The following CACNA1S variants were observed in gnomAD, a reference collection of about 807,000 sequenced individuals.
CACNA1S encodes voltage-dependent L-type calcium channel subunit alpha-1S.
Under a neutral mutation model 207.4 loss-of-function variants are expected in CACNA1S, and 126 were observed. That is an observed-to-expected ratio of 0.61 (90% CI 0.53 to 0.70). The LOEUF is 0.70. CACNA1S is among the 30% of genes least tolerant of loss of function. The pLI is 0.00. For missense variants in CACNA1S, 2,349 were observed against 2,422.8 expected (o/e 0.97, Z 0.64); for synonymous variants, 960 against 932.7 (o/e 1.03, Z -0.53).
chr1:201,060,204 G>A (rs929978945), intron 26 of CACNA1S, among the ~76,000 whole-genome samples: 8 of 152,140 alleles, frequency 5.3e-5, no homozygotes, highest in African/African-American at 1.4e-4. Flanking sequence ...ATGCTTAATC[G>A]AGGCTTGATA....
At position 201,052,618 on chromosome 1, in the gene CACNA1S, TC is replaced by T; in HGVS notation, c.3891del (p.Thr1298ProfsTer3). The T allele has an allele frequency of 6.2e-7, 1 of 1,613,642 alleles. No homozygotes were observed. Among genetic ancestry groups the T allele is most frequent in the Non-Finnish European group, 8.5e-7 (1 of 1,179,882 alleles). Reference sequence around the variant, plus strand: ...AAGTTGTTGTTCCGGTTTATTTGGGTCCCATCCACCAAGGCGATCTTCCCAA... The same window carrying T: ...AAGTTGTTGTTCCGGTTTATTTGGGTCCATCCACCAAGGCGATCTTCCCAA... The part of the protein sequence containing the change: ...QMFGKIALVD[G>X]TQINRNNNFQ... On this transcript the variant is annotated frameshift_variant, in exon 32 of 44. Transcript: ENST00000362061. LOFTEE classifies it high-confidence loss of function.
chr1:201,047,074 C>T, intron 38 of CACNA1S, 41 bp downstream of exon 38: 2 of 1,613,930 alleles, frequency 1.2e-6, no homozygotes, highest in Non-Finnish European at 1.7e-6. Flanking sequence ...AGACCTGGCT[C>T]AGTGGGGGAG....
Position 201,079,796 on chromosome 1 carries a change from A to T in CACNA1S, c.1394-1692T>A, listed in dbSNP as rs535284292. On this transcript the variant is annotated intron_variant, in intron 10 of 43. Coordinates refer to ENST00000362061, the MANE Select transcript of CACNA1S (RefSeq NM_000069.3). ...TGCCCTGACCCCATTGCTGCGGATA[A>T]GTCTGGGTAGAACACCCCTTTTCTC... is the stretch of plus-strand genomic sequence containing the variant. 2.0e-5 allele frequency among the ~76,000 whole-genome samples: 3 copies of T among 152,296 alleles called. No homozygotes were observed. In the South Asian group the frequency reaches 6.2e-4, roughly 32 times the overall value.
chr1:201,050,975 G>C lies in CACNA1S; in HGVS notation c.4113+9C>G. 3.7e-6 allele frequency: 6 copies of C among 1,614,034 alleles called. No individual in the cohort carries two copies. The highest frequency in any genetic ancestry group is 5.1e-6 in the Non-Finnish European group (6 of 1,179,952). ...CCTCTCCCTGCCCCGCAGGCCCTCAGCATCTCACCAGGAAGGCACAGAGCA... is the reference window on the plus strand; with the variant it reads ...CCTCTCCCTGCCCCGCAGGCCCTCACCATCTCACCAGGAAGGCACAGAGCA... On this transcript the variant is annotated intron_variant, in intron 33 of 43. Transcript: ENST00000362061.
In CACNA1S at chr1:201,103,820, C is replaced by A. The variant is rs541754618; in HGVS notation, c.258+6344G>T. 7.2e-5 allele frequency among the ~76,000 whole-genome samples: 11 copies of A among 152,304 alleles called. 1 individual carries two copies. The East Asian group carries it at 2.1e-3, about 29-fold the overall frequency. On this transcript the variant is annotated intron_variant, in intron 2 of 43. Transcript: ENST00000362061. ...ATTCCAGACCCTATAAAAAGACAAA[C>A]GCCCTGGCTGCCAGAGGCTTAGGCT...
At position 201,065,847 on chromosome 1, in the gene CACNA1S, C is replaced by T; in HGVS notation, c.2844G>A (p.Gln948=). 6.2e-7 allele frequency: 1 copy of T among 1,613,568 alleles called. No individual in the cohort carries two copies. Among genetic ancestry groups the T allele is most frequent in the East Asian group, 2.2e-5 (1 of 44,886 alleles). Residue 948 remains glutamine (Q), a synonymous_variant, in exon 22 of 44, where the codon CAG becomes CAA. Transcript: ENST00000362061. The part of the protein sequence containing the change: ...LQFMFACIGV[Q]LFKGKFFRCT... Reference sequence around the variant, plus strand: ...GCAGGCTGGGGCTCACCTTGAAGAGCTGGACGCCGATGCAGGCAAACATGA... The same window carrying T: ...GCAGGCTGGGGCTCACCTTGAAGAGTTGGACGCCGATGCAGGCAAACATGA...
At position 201,048,675 on chromosome 1, in the gene CACNA1S, C is replaced by T. The variant is rs753557812; in HGVS notation, c.4348G>A (p.Gly1450Ser). Residue 1450 changes from glycine to serine, a missense_variant, in exon 36 of 44, where the codon GGC becomes AGC. Gly to Ser is a moderately conservative substitution (Grantham distance 56). Coordinates refer to ENST00000362061, the MANE Select transcript of CACNA1S (RefSeq NM_000069.3). ...TCGCTGTTCAGGGGCATGTTCATGC[C>T]CACCAGCCGCTGTACAGGGAGACGC... is the stretch of plus-strand genomic sequence containing the variant. ...PHRVACKRLV[G>S]MNMPLNSDGT... 8.1e-6 allele frequency: 13 copies of T among 1,613,098 alleles called. No homozygotes were observed. The highest frequency in any genetic ancestry group is 1.3e-5 in the African/African-American group (1 of 74,898).
intron 12 of CACNA1S, among the ~76,000 whole-genome samples, 173 bp from the exon 13 acceptor site, chr1:201,075,788 C>A (rs983151371): frequency 6.6e-6 from 1 of 152,194 alleles, no homozygotes; most frequent in Non-Finnish European, 1.5e-5. Flanking sequence ...CCTATTCCAG[C>A]TGGGGAATAG....
At chr1:201,067,750 C>T (rs1389020058) in intron 19 of CACNA1S, among the ~76,000 whole-genome samples, 1 of 152,194 alleles carries the variant, frequency 6.6e-6, no homozygotes, top group Admixed American at 6.5e-5. Context: ...CCAGTGAAGG[C>T]CTGTCCAACT....
chr1:201,070,526 T>G, intron 16 of CACNA1S, 122 bp from the exon 17 acceptor site: 5 of 1,361,944 alleles, frequency 3.7e-6, no homozygotes, highest in Non-Finnish European at 5.2e-6. Context: ...CCAGGCTGAC[T>G]TGGGACCCTA....
chr1:201,041,443 G>C, intron 41 of CACNA1S, 61 bp downstream of exon 41: 1 of 1,303,248 alleles, frequency 7.7e-7, no homozygotes, highest in East Asian at 2.4e-5. Flanking sequence ...GAAAAGAGTG[G>C]GGCTTCCCGG....
In CACNA1S at chr1:201,066,025, G is replaced by A; in HGVS notation, c.2746-80C>T. ...GCCCAGTTGAGGAAACCCCAGGAGT[G>A]CAAGACTTGCTGCCTCCTGATGAGT... On this transcript the variant is annotated intron_variant, in intron 21 of 43. Coordinates refer to ENST00000362061, the MANE Select transcript of CACNA1S (RefSeq NM_000069.3). The surrounding 1 kb of genome is among the most constrained non-coding windows in gnomAD (Gnocchi z 4.3). The A allele has an allele frequency of 9.2e-7, 1 of 1,081,204 alleles. No individual in the cohort carries two copies. Among genetic ancestry groups the A allele is most frequent in the Non-Finnish European group, 1.4e-6 (1 of 714,600 alleles). 67.0% of individuals were successfully genotyped at this position (1,081,204 alleles called of 1,614,324 possible).
In CACNA1S at chr1:201,112,403, C is replaced by A; in HGVS notation, c.-64G>T. On this transcript the variant is annotated 5_prime_UTR_variant, in exon 1 of 44. Transcript: ENST00000362061. ...CCCAGTGCTTTCCCTTCCCTGTGTC[C>A]CCAATGCCCCCGCCTTGGGGACTAG... 1 of 1,610,542 alleles carries A rather than the reference C, an allele frequency of 6.2e-7. No homozygotes were observed. The highest frequency in any genetic ancestry group is 8.5e-7 in the Non-Finnish European group (1 of 1,179,814).
chr1:201,100,278 G>A (rs1005857389), intron 2 of CACNA1S, among the ~76,000 whole-genome samples: 1 of 152,256 alleles, frequency 6.6e-6, no homozygotes, highest in African/African-American at 2.4e-5. Context: ...AGGGGAATGA[G>A]GTGTCTGCTA....
chr1:201,111,952 C>CTCCTCCTCT (rs1359328788), intron 1 of CACNA1S, among the ~76,000 whole-genome samples: 79 of 132,834 alleles, frequency 5.9e-4, no homozygotes, highest in African/African-American at 2.8e-3. Flanking sequence ...CTCCCCCACC[C>CTCCTCCTCT]TCCTCCTCTT....
At chr1:201,079,093 C>T (rs1203277910) in intron 10 of CACNA1S, among the ~76,000 whole-genome samples, 3 of 149,510 alleles carry the variant, frequency 2.0e-5, no homozygotes, top group Non-Finnish European at 4.5e-5. Context: ...TGCACTCTGG[C>T]CTGGTGACAG....
chr1:201,064,097 G>C (rs1027625597), intron 22 of CACNA1S, among the ~76,000 whole-genome samples: 1 of 152,210 alleles, frequency 6.6e-6, no homozygotes. Flanking sequence ...TGGAAGGGAC[G>C]TGGAAGCCAA....
intron 43 of CACNA1S, 62 bp downstream of exon 43, chr1:201,040,169 G>A (rs531101700): frequency 1.1e-5 from 18 of 1,611,856 alleles, no homozygotes; most frequent in Middle Eastern, 1.9e-4. Flanking sequence ...CTCTCTCCAC[G>A]CCAGGCCATC....
chr1:201,078,095 T>A lies in CACNA1S; in HGVS notation c.1403A>T (p.Asn468Ile), dbSNP rs781085349. The A allele has an allele frequency of 2.5e-6, 4 of 1,613,848 alleles. No homozygotes were observed. Among genetic ancestry groups the A allele is most frequent in the Non-Finnish European group, 8.5e-7 (1 of 1,179,822 alleles). The change falls in exon 11 of 44, where the codon AAC becomes ATC. Residue 468 changes from asparagine to isoleucine, a missense_variant. Physicochemically the swap from Asn to Ile is moderately radical, Grantham distance 149 (BLOSUM62 -3). Coordinates refer to ENST00000362061, the MANE Select transcript of CACNA1S (RefSeq NM_000069.3). ...GGTGAAGAGGGACAGCAGCACCCGG[T>A]TGGCAATGTCTGTAGGGTTGGTGGC... is the stretch of plus-strand genomic sequence containing the variant. The part of the protein sequence containing the change: ...LWLTRLQDIA[N>I]RVLLSLFTTE...
Sources: allele counts gnomAD v4.1 joint callset (sites outside exome capture counted in the v4.1 genomes callset), GRCh38; gene constraint gnomAD v4.1.1; non-coding constraint Gnocchi (gnomAD v3.1); transcripts MANE v1.5; gene names NCBI Gene and HGNC (gene_info 2026-07-23, HGNC 2026-07-21).